The following FRMD4B variants were observed in gnomAD, a reference collection of about 807,000 sequenced individuals.
FRMD4B encodes the protein FERM domain containing 4B, also known as FERM domain-containing protein 4B.
FRMD4B carries 74 observed loss-of-function variants against 141.5 expected under a neutral mutation model. The ratio of observed to expected loss-of-function variants is 0.52; its 90% CI spans 0.43 to 0.63. The LOEUF (loss-of-function observed/expected upper bound fraction) is 0.63. Ranked by LOEUF, FRMD4B falls within the 30% of genes least tolerant of loss-of-function variation. FRMD4B has a pLI of 0.00. For missense variants in FRMD4B, 1,366 were observed against 1,253.4 expected (o/e 1.09, Z -1.36); for synonymous variants, 506 against 467.9 (o/e 1.08, Z -1.05).
At chr3:69,253,764 G>A (rs2106805871) in intron 5 of FRMD4B, among the ~76,000 whole-genome samples, 1 of 152,310 alleles carries the variant, frequency 6.6e-6, no homozygotes, top group East Asian at 1.9e-4. Context: ...AGTACTAATT[G>A]ATTCAGGCAA....
intron 2 of FRMD4B, among the ~76,000 whole-genome samples, chr3:69,418,710 G>A (rs1195845149): frequency 3.9e-5 from 6 of 152,098 alleles, no homozygotes; most frequent in South Asian, 2.1e-4. Context: ...GGAAGGGAAC[G>A]TAGAGCCTCA....
intron 1 of FRMD4B, among the ~76,000 whole-genome samples, chr3:69,373,834 A>G (rs781290938): frequency 1.3e-4 from 20 of 152,194 alleles, no homozygotes; most frequent in Non-Finnish European, 2.2e-4. Flanking sequence ...GATTGCACCA[A>G]TGCACTCTAG....
intron 11 of FRMD4B, among the ~76,000 whole-genome samples, chr3:69,213,678 T>TTC (rs2093109887): frequency 1.6e-5 from 2 of 127,056 alleles, no homozygotes; most frequent in South Asian, 5.0e-4. Flanking sequence ...TTTTTTTTTT[T>TTC]CTGACACAAG....
At chr3:69,537,026 G>T (rs897796271) in intron 1 of FRMD4B, among the ~76,000 whole-genome samples, 8 of 152,180 alleles carry the variant, frequency 5.3e-5, no homozygotes, top group Non-Finnish European at 1.2e-4. Flanking sequence ...GGGATTACAG[G>T]CATGAGCCAC....
intron 21 of FRMD4B, among the ~76,000 whole-genome samples, chr3:69,180,257 A>AG (rs1299348648): frequency 6.6e-6 from 1 of 151,304 alleles, no homozygotes; most frequent in African/African-American, 2.4e-5. Flanking sequence ...AAAAAAAAAA[A>AG]AAAAAAAAAA....
chr3:69,187,106 A>G (rs575978827), intron 19 of FRMD4B, among the ~76,000 whole-genome samples: 1 of 152,198 alleles, frequency 6.6e-6, no homozygotes, highest in Non-Finnish European at 1.5e-5. Context: ...GACTTTAACG[A>G]CAATTTCCTT....
At chr3:69,486,490 T>C (rs184675514) in intron 1 of FRMD4B, among the ~76,000 whole-genome samples, 1 of 152,318 alleles carries the variant, frequency 6.6e-6, no homozygotes, top group East Asian at 1.9e-4. Flanking sequence ...AGAAAACATA[T>C]TTGTAAGTTA....
chr3:69,403,891 C>T (rs1027800581), intron 2 of FRMD4B, among the ~76,000 whole-genome samples: 1 of 152,018 alleles, frequency 6.6e-6, no homozygotes, highest in South Asian at 2.1e-4. Flanking sequence ...CATGTCTATC[C>T]CTAAAATATT....
At chr3:69,471,238 T>G (rs1297064947) in intron 1 of FRMD4B, among the ~76,000 whole-genome samples, 1 of 152,174 alleles carries the variant, frequency 6.6e-6, no homozygotes, top group Non-Finnish European at 1.5e-5. Context: ...CCCAGCCTCA[T>G]TCCTTGTCAA....
intron 22 of FRMD4B, 51 bp downstream of exon 22, chr3:69,176,473 T>G: frequency 1.3e-6 from 2 of 1,508,648 alleles, no homozygotes; most frequent in Non-Finnish European, 1.8e-6. Context: ...GATCCCTGAA[T>G]TCTTTTGAAC....
At chr3:69,262,558 C>A (rs1387936944) in intron 5 of FRMD4B, among the ~76,000 whole-genome samples, 2 of 134,284 alleles carry the variant, frequency 1.5e-5, no homozygotes, top group Non-Finnish European at 3.0e-5. Context: ...CTCCCAGGTT[C>A]AAGTGATTCT....
intron 1 of FRMD4B, among the ~76,000 whole-genome samples, chr3:69,321,966 C>T (rs982412487): frequency 1.3e-5 from 2 of 152,126 alleles, no homozygotes; most frequent in Non-Finnish European, 2.9e-5. Context: ...CCTTGGCTTC[C>T]CAAAGTGCTG....
chr3:69,260,001 A>G (rs1387064696), intron 5 of FRMD4B, among the ~76,000 whole-genome samples: 1 of 152,218 alleles, frequency 6.6e-6, no homozygotes, highest in African/African-American at 2.4e-5. Flanking sequence ...TGATATACCT[A>G]CAAATATCAC....
intron 1 of FRMD4B, among the ~76,000 whole-genome samples, chr3:69,358,356 C>T (rs1215103748): frequency 6.6e-6 from 1 of 152,154 alleles, no homozygotes; most frequent in African/African-American, 2.4e-5. Flanking sequence ...CAAGGAATCC[C>T]ACATTTTCAT....
At chr3:69,247,042 C>A (rs759020038) in intron 7 of FRMD4B, among the ~76,000 whole-genome samples, 2 of 152,116 alleles carry the variant, frequency 1.3e-5, no homozygotes, top group African/African-American at 4.8e-5. Context: ...TTCAGACCAA[C>A]CTTAGTCTCA....
rs568743678 is a variant in FRMD4B at position 69,183,327 on chromosome 3, A to C, written c.1920-610T>G. ...CCACCAGCTACCTAAAAATATAAAA[A>C]CCATTCTTAGCTCACGGTCTGCGCA... On this transcript the variant is annotated intron_variant, in intron 19 of 22. Transcript: ENST00000398540. 2.0e-3 allele frequency among the ~76,000 whole-genome samples: 298 copies of C among 152,038 alleles called. 1 individual carries two copies. The highest frequency in any genetic ancestry group is 2.7e-3 in the Admixed American group (41 of 15,276).
intron 5 of FRMD4B, among the ~76,000 whole-genome samples, chr3:69,257,876 G>A (rs866193144): frequency 3.7e-4 from 57 of 152,300 alleles, no homozygotes; most frequent in African/African-American, 1.3e-3. Flanking sequence ...ACCCAGGCTG[G>A]AGTGCAATGG....
At chr3:69,445,162 A>G (rs1705393899) in intron 1 of FRMD4B, among the ~76,000 whole-genome samples, 1 of 152,208 alleles carries the variant, frequency 6.6e-6, no homozygotes, top group African/African-American at 2.4e-5. Flanking sequence ...GCTTGCCCTG[A>G]ACGGGTGTCT....
chr3:69,297,944 C>T (rs1701084487), intron 4 of FRMD4B, among the ~76,000 whole-genome samples: 1 of 152,180 alleles, frequency 6.6e-6, no homozygotes, highest in Non-Finnish European at 1.5e-5. Context: ...AAGGTTTAAT[C>T]TTGAAGTCAT....
Sources: gnomAD v4.1 joint callset for allele counts (sites outside exome capture counted in the v4.1 genomes callset) on GRCh38, gnomAD v4.1.1 for gene constraint, MANE v1.5 for transcripts, NCBI Gene and HGNC (gene_info 2026-07-23, HGNC 2026-07-21) for gene names.